The following TMEM117 variants were observed in gnomAD, a reference collection of about 807,000 sequenced individuals.
TMEM117 encodes the protein transmembrane protein 117.
In TMEM117, 27 loss-of-function variants were observed where a neutral mutation model predicts 52.4. The ratio of observed to expected loss-of-function variants is 0.51; its 90% CI spans 0.38 to 0.71. The LOEUF is 0.71. TMEM117 is among the 30% of genes least tolerant of loss of function. The pLI is 0.00. For missense variants in TMEM117, 556 were observed against 630.5 expected (o/e 0.88, Z 1.26); for synonymous variants, 215 against 206.3 (o/e 1.04, Z -0.36).
the TMEM117 span, chr12:43,806,364 G>GCCGCC: frequency 8.9e-5 from 110 of 1,240,012 alleles, 3 homozygotes; most frequent in Middle Eastern, 4.4e-3. Context: ...GCGACCCGCG[G>GCCGCC]CCGCCCCGCC....
At chr12:44,364,456 TTATATGAA>T (rs1177316417) in intron 6 of TMEM117, among the ~76,000 whole-genome samples, 7 of 152,116 alleles carry the variant, frequency 4.6e-5, no homozygotes, top group African/African-American at 1.2e-4. Flanking sequence ...TGCAGAGATA[TTATATGAA>T]GCTTCAACCT....
At chr12:44,174,204 C>T (rs1949087029) in intron 4 of TMEM117, among the ~76,000 whole-genome samples, 2 of 152,100 alleles carry the variant, frequency 1.3e-5, no homozygotes, top group Non-Finnish European at 2.9e-5. Context: ...ATCATGTGGA[C>T]ATTTAATGAA....
intron 2 of TMEM117, among the ~76,000 whole-genome samples, chr12:43,875,053 TA>T (rs1330316463): frequency 6.6e-6 from 1 of 152,186 alleles, no homozygotes; most frequent in Non-Finnish European, 1.5e-5. Context: ...TTATCTTCCG[TA>T]AAAAACAGGT....
At chr12:43,868,399 A>AAT (rs1565727070) in intron 2 of TMEM117, among the ~76,000 whole-genome samples, 2 of 151,744 alleles carry the variant, frequency 1.3e-5, no homozygotes, top group East Asian at 3.9e-4. Flanking sequence ...ATAATAATAA[A>AAT]AAAAAAGCCA....
chr12:44,155,204 C>A (rs1383449055), intron 4 of TMEM117, among the ~76,000 whole-genome samples: 1 of 151,936 alleles, frequency 6.6e-6, no homozygotes, highest in South Asian at 2.1e-4. Context: ...CTTTGGTATT[C>A]CAAAACCCCA....
chr12:43,880,154 C>T (rs1592328922), intron 2 of TMEM117, among the ~76,000 whole-genome samples: 1 of 152,204 alleles, frequency 6.6e-6, no homozygotes, highest in South Asian at 2.1e-4. Context: ...TAATGCCTGT[C>T]CTCAATTCTA....
intron 5 of TMEM117, among the ~76,000 whole-genome samples, chr12:44,275,865 GA>G (rs1950505798): frequency 6.6e-6 from 1 of 151,970 alleles, no homozygotes; most frequent in Non-Finnish European, 1.5e-5. Flanking sequence ...GAGGAAGAAT[GA>G]ATAAGACCTA....
intron 5 of TMEM117, among the ~76,000 whole-genome samples, chr12:44,268,125 T>A (rs1271617391): frequency 6.6e-6 from 1 of 151,922 alleles, no homozygotes; most frequent in East Asian, 1.9e-4. Context: ...TGGAAAAAAT[T>A]CTACTTGATC....
intron 5 of TMEM117, among the ~76,000 whole-genome samples, chr12:44,254,366 TAGA>T (rs1950232710): frequency 6.6e-6 from 1 of 151,928 alleles, no homozygotes; most frequent in Non-Finnish European, 1.5e-5. Context: ...GAAAAATGCA[TAGA>T]AATGACTTCT....
chr12:43,938,151 G>T (rs528675790), intron 2 of TMEM117, among the ~76,000 whole-genome samples: 7 of 151,670 alleles, frequency 4.6e-5, no homozygotes, highest in Non-Finnish European at 1.0e-4. Context: ...GTGAGGGCTG[G>T]GGTATGCAGG....
intron 3 of TMEM117, among the ~76,000 whole-genome samples, chr12:44,133,206 A>C (rs1364181992): frequency 2.6e-5 from 4 of 152,144 alleles, no homozygotes; most frequent in African/African-American, 9.7e-5. Flanking sequence ...CACAGACATG[A>C]GTACCTTGGT....
At chr12:44,091,171 G>A (rs1311343528) in intron 3 of TMEM117, among the ~76,000 whole-genome samples, 1 of 152,020 alleles carries the variant, frequency 6.6e-6, no homozygotes, top group Non-Finnish European at 1.5e-5. Context: ...ATGCAAAAGT[G>A]GAAACCCCTG....
At chr12:43,986,153 A>G (rs1307985255) in intron 3 of TMEM117, among the ~76,000 whole-genome samples, 1 of 152,148 alleles carries the variant, frequency 6.6e-6, no homozygotes, top group Non-Finnish European at 1.5e-5. Context: ...CAGTTGTCTT[A>G]ACAAAGATGA....
intron 3 of TMEM117, among the ~76,000 whole-genome samples, chr12:43,975,907 G>A (rs1295767253): frequency 6.6e-6 from 1 of 152,172 alleles, no homozygotes; most frequent in Non-Finnish European, 1.5e-5. Flanking sequence ...ATAGCTGGAT[G>A]ACCCTCCACA....
At chr12:43,837,375 G>C (rs1943049280) in intron 1 of TMEM117, among the ~76,000 whole-genome samples, 2 of 151,566 alleles carry the variant, frequency 1.3e-5, no homozygotes, top group African/African-American at 4.9e-5. Context: ...TCATGGAGTC[G>C]GGCTCTGTCG....
chr12:43,821,870 G>A, the TMEM117 span, among the ~76,000 whole-genome samples: 1 of 152,208 alleles, frequency 6.6e-6, no homozygotes, highest in East Asian at 1.9e-4. Context: ...AGAAAGGTAA[G>A]TTTTTAAAGC....
chr12:43,847,925 G>A (rs1441931269), intron 2 of TMEM117, among the ~76,000 whole-genome samples: 1 of 152,160 alleles, frequency 6.6e-6, no homozygotes, highest in African/African-American at 2.4e-5. Flanking sequence ...TTTTACAGCT[G>A]GGCCGCCAGG....
chr12:43,958,211 T>C (rs1945340133), intron 3 of TMEM117, among the ~76,000 whole-genome samples: 1 of 152,228 alleles, frequency 6.6e-6, no homozygotes, highest in Non-Finnish European at 1.5e-5. Flanking sequence ...TATATGTTTA[T>C]AGACTTATTT....
chr12:44,115,311 G>A (rs994654073), intron 3 of TMEM117, among the ~76,000 whole-genome samples: 1 of 152,146 alleles, frequency 6.6e-6, no homozygotes, highest in Non-Finnish European at 1.5e-5. Context: ...CCTGTTGTCG[G>A]GTGGGGAGAA....
Sources: allele counts gnomAD v4.1 joint callset (sites outside exome capture counted in the v4.1 genomes callset), GRCh38; gene constraint gnomAD v4.1.1; transcripts MANE v1.5; gene names NCBI Gene and HGNC (gene_info 2026-07-23, HGNC 2026-07-21).